The following CD44 variants were observed in gnomAD, a reference collection of about 807,000 sequenced individuals.
CD44 encodes CD44 molecule (IN blood group).
In CD44, 49 loss-of-function variants were observed where a neutral mutation model predicts 88.8. The observed-to-expected ratio is 0.55, with a 90% CI of 0.44 to 0.70. The LOEUF (loss-of-function observed/expected upper bound fraction) is 0.70. Ranked by LOEUF, CD44 falls within the 30% of genes least tolerant of loss-of-function variation. The pLI is 0.00. For synonymous variants in CD44, 325 were observed against 312.3 expected, an observed-to-expected ratio of 1.04 and a Z score of -0.43; for missense variants, 883 against 913.8, an observed-to-expected ratio of 0.97 and a Z score of 0.43.
At chr11:35,182,914 A>T (rs1362500974) in intron 3 of CD44, among the ~76,000 whole-genome samples, 1 of 152,202 alleles carries the variant, frequency 6.6e-6, no homozygotes. Flanking sequence ...ATAGAAGCTC[A>T]CACTGTTTTA....
chr11:35,216,886 C>T (rs1212970327), intron 15 of CD44, among the ~76,000 whole-genome samples: 3 of 152,202 alleles, frequency 2.0e-5, no homozygotes, highest in Admixed American at 1.3e-4. Context: ...CACTCTCCCA[C>T]CCAGGTGGTT....
intron 15 of CD44, chr11:35,219,070 G>A: frequency 2.0e-6 from 1 of 507,204 alleles, no homozygotes; most frequent in South Asian, 2.2e-5. Context: ...CCTGAACACT[G>A]TGCAACACTG....
At chr11:35,147,327 C>T (rs963735846) in intron 1 of CD44, among the ~76,000 whole-genome samples, 1 of 152,186 alleles carries the variant, frequency 6.6e-6, no homozygotes, top group African/African-American at 2.4e-5. Flanking sequence ...AGGAGTAGGG[C>T]TGTACATATC....
At chr11:35,202,034 G>A (rs1947364366) in intron 9 of CD44, among the ~76,000 whole-genome samples, 1 of 152,174 alleles carries the variant, frequency 6.6e-6, no homozygotes, top group Non-Finnish European at 1.5e-5. Flanking sequence ...CAATTTTTGT[G>A]TTAAAGGTTC....
rs963239498 is a variant in CD44, at chr11:35,186,983, G to A, written c.436+83G>A. On this transcript the variant is annotated intron_variant, in intron 4 of 17. Transcript: ENST00000428726. Reference sequence around the variant, plus strand: ...GTGTTCTCTGTGGTATATTTGAATAGAATATTAGGCCAGGTGTGGTGGCTC... The same window carrying A: ...GTGTTCTCTGTGGTATATTTGAATAAAATATTAGGCCAGGTGTGGTGGCTC... The A allele has an allele frequency of 1.9e-5, 16 of 858,070 alleles. No homozygotes were observed. The Middle Eastern group carries it at 1.3e-3, about 71-fold the overall frequency. The allele number at this position is 858,070 out of a possible 1,614,324, so 53.2% of individuals were successfully genotyped here.
At chr11:35,156,298 G>A (rs1045350644) in intron 1 of CD44, among the ~76,000 whole-genome samples, 5 of 152,118 alleles carry the variant, frequency 3.3e-5, no homozygotes, top group African/African-American at 4.8e-5. Flanking sequence ...CAACATCATG[G>A]GAGGAAGTCT....
intron 16 of CD44, among the ~76,000 whole-genome samples, chr11:35,221,077 T>C (rs772621046): frequency 3.3e-5 from 5 of 152,174 alleles, no homozygotes; most frequent in Non-Finnish European, 5.9e-5. Flanking sequence ...CATTTTAAAA[T>C]GTAAAATATA....
intron 12 of CD44, among the ~76,000 whole-genome samples, chr11:35,208,783 A>G (rs1948130523): frequency 6.6e-6 from 1 of 152,204 alleles, no homozygotes; most frequent in Admixed American, 6.6e-5. Context: ...AGTAGCCTTA[A>G]TTTCTACTCT....
At chr11:35,218,764 G>A (rs575589205) in intron 15 of CD44, among the ~76,000 whole-genome samples, 1 of 152,296 alleles carries the variant, frequency 6.6e-6, no homozygotes, top group South Asian at 2.1e-4. Flanking sequence ...TGAGGCATAA[G>A]ATTCTGCATT....
intron 3 of CD44, among the ~76,000 whole-genome samples, chr11:35,181,644 A>C (rs946241700): frequency 2.8e-5 from 4 of 142,602 alleles, no homozygotes; most frequent in Non-Finnish European, 6.0e-5. Flanking sequence ...TATCAGCCTG[A>C]GACAAACACA....
chr11:35,179,059 A>ACC (rs1944737670), intron 2 of CD44, among the ~76,000 whole-genome samples: 1 of 152,166 alleles, frequency 6.6e-6, no homozygotes, highest in Non-Finnish European at 1.5e-5. Flanking sequence ...CTGCCAAGCT[A>ACC]AGGAGGCTTT....
Position 35,201,772 on chromosome 11 carries a change from C to A in CD44, c.1138C>A (p.His380Asn). 2 of 1,613,738 alleles carry A rather than the reference C, an allele frequency of 1.2e-6. No homozygotes were observed. The highest frequency in any genetic ancestry group is 1.7e-6 in the Non-Finnish European group (2 of 1,179,694). ...HEHHEEEETP[H>N]STSTIQATPS... ...GCATCATGAGGAAGAAGAGACCCCA[C>A]ATTCTACAAGCACAAGTAAGCAAGA... The change falls in exon 9 of 18, where the codon CAT (histidine) becomes AAT (asparagine). Residue 380 changes from histidine to asparagine, a missense_variant. Physicochemically the swap from His to Asn is moderately conservative, Grantham distance 68. Around this residue, in one of 2 missense-constraint regions of CD44, gnomAD observed 631 missense variants for 590.9 expected, o/e 1.07. Coordinates refer to ENST00000428726, the MANE Select transcript of CD44 (RefSeq NM_000610.4).
intron 1 of CD44, among the ~76,000 whole-genome samples, chr11:35,143,663 A>C (rs1858460764): frequency 6.6e-6 from 1 of 152,014 alleles, no homozygotes; most frequent in Non-Finnish European, 1.5e-5. Context: ...GCATAAGTGA[A>C]CTCTTGCATG....
At chr11:35,213,139 A>C (rs1199694180) in intron 14 of CD44, among the ~76,000 whole-genome samples, 1 of 152,196 alleles carries the variant, frequency 6.6e-6, no homozygotes, top group African/African-American at 2.4e-5. Flanking sequence ...TTTAAAGTTT[A>C]AATGGCAATT....
chr11:35,159,634 A>G (rs774446280), intron 1 of CD44, among the ~76,000 whole-genome samples: 66 of 152,206 alleles, frequency 4.3e-4, no homozygotes, highest in Non-Finnish European at 8.5e-4. Flanking sequence ...TTGTATATTT[A>G]TTCTCTAACT....
chr11:35,180,080 A>G (rs1053138073), intron 2 of CD44, among the ~76,000 whole-genome samples, 194 bp from the exon 3 acceptor site: 2 of 152,056 alleles, frequency 1.3e-5, no homozygotes, highest in Admixed American at 6.5e-5. Flanking sequence ...CTTTGTTTCT[A>G]TCAGTCTTGT....
In CD44 at chr11:35,139,291, C is replaced by G. The variant is rs1048436842; in HGVS notation, c.-13C>G. On this transcript the variant is annotated 5_prime_UTR_variant, in exon 1 of 18. Coordinates refer to ENST00000428726, the MANE Select transcript of CD44 (RefSeq NM_000610.4). The stretch of plus-strand genomic sequence containing the variant: ...GCTCCTTTCGCCCGCGCCCTCCGTT[C>G]GCTCCGGACACCATGGACAAGTTTT... 11 of 1,556,106 alleles carry G rather than the reference C, an allele frequency of 7.1e-6. No individual in the cohort carries two copies. In the Admixed American group the frequency reaches 1.2e-4, roughly 17 times the overall value.
At chr11:35,197,057 T>C in intron 6 of CD44, 183 bp downstream of exon 6, 1 of 584,254 alleles carries the variant, frequency 1.7e-6, no homozygotes, top group Non-Finnish European at 3.0e-6. Context: ...AATAAGCAGA[T>C]TTCTTCTTTC....
intron 1 of CD44, among the ~76,000 whole-genome samples, chr11:35,148,208 CT>C (rs1859590928): frequency 6.6e-6 from 1 of 152,230 alleles, no homozygotes; most frequent in Non-Finnish European, 1.5e-5. Flanking sequence ...TCTTTGCACA[CT>C]TTAAATGAGT....
Sources: gnomAD v4.1 joint callset for allele counts (sites outside exome capture counted in the v4.1 genomes callset) on GRCh38, gnomAD v4.1.1 for gene constraint, gnomAD v4.1.1 regional missense constraint, MANE v1.5 for transcripts, NCBI Gene and HGNC (gene_info 2026-07-23, HGNC 2026-07-21) for gene names.